Variants in TRIM37 observed in about 807,000 individuals in gnomAD.
The protein encoded by TRIM37 is E3 ubiquitin-protein ligase TRIM37.
A neutral mutation model predicts 129.8 loss-of-function variants in TRIM37; 80 were observed. That is an observed-to-expected ratio of 0.62 (90% CI 0.51 to 0.74). TRIM37 has a LOEUF of 0.74. Ranked by LOEUF, TRIM37 falls within the 30% of genes least tolerant of loss-of-function variation. TRIM37 has a pLI of 0.00. For missense variants in TRIM37, 1,054 were observed against 1,176.5 expected (o/e 0.90, Z 1.52); for synonymous variants, 389 against 387.1 (o/e 1.00, Z -0.06).
intron 2 of TRIM37, among the ~76,000 whole-genome samples, chr17:59,098,142 TTA>T (rs1047193854): frequency 6.6e-6 from 1 of 152,146 alleles, no homozygotes; most frequent in African/African-American, 2.4e-5. Flanking sequence ...CAAAAATATT[TTA>T]TGATTCCATT....
At chr17:59,073,298 CTT>C (rs913398259) in intron 8 of TRIM37, among the ~76,000 whole-genome samples, 8 of 146,176 alleles carry the variant, frequency 5.5e-5, no homozygotes, top group Non-Finnish European at 7.6e-5. Context: ...ATATTATTTA[CTT>C]TTTTTTTTTT....
rs545355037 is a variant in TRIM37 at position 59,088,060 on chromosome 17, G to A, written c.281+231C>T. ...TAGCAAAGTACTTTCTGTGTGGGGG[G>A]AGGGGAGGGCGAGAGGTATCTGTGT... is the stretch of plus-strand genomic sequence containing the variant. On this transcript the variant is annotated intron_variant, in intron 4 of 23. Coordinates refer to ENST00000262294, the MANE Select transcript of TRIM37 (RefSeq NM_015294.6). 7.4e-4 allele frequency: 444 copies of A among 597,114 alleles called. 1 individual carries two copies. Among genetic ancestry groups the A allele is most frequent in the Non-Finnish European group, 5.0e-4 (168 of 337,348 alleles). The allele number at this position is 597,114 out of a possible 1,614,324, so 37.0% of individuals were successfully genotyped here.
At chr17:58,981,208 G>T, downstream of TRIM37, 1 of 570,906 alleles carries the variant, frequency 1.8e-6, no homozygotes, top group Non-Finnish European at 3.0e-6. Flanking sequence ...AATCTAAAAA[G>T]AAGTATTGGC....
At chr17:58,969,810 T>C in the TRIM37 span, 5 of 1,323,776 alleles carry the variant, frequency 3.8e-6, no homozygotes, top group Non-Finnish European at 5.2e-6. Flanking sequence ...GCTATTTAGA[T>C]TTTCTCTTTC....
intron 15 of TRIM37, among the ~76,000 whole-genome samples, chr17:59,048,604 T>C (rs2040043580): frequency 6.6e-6 from 1 of 152,142 alleles, no homozygotes. Context: ...CTTTTTTTTT[T>C]CTTTTTCTTT....
chr17:59,066,385 A>G (rs906622887), intron 9 of TRIM37, among the ~76,000 whole-genome samples: 6 of 152,226 alleles, frequency 3.9e-5, no homozygotes, highest in Non-Finnish European at 8.8e-5. Flanking sequence ...TTCTTCTGCC[A>G]TGTCCAGTGT....
chr17:59,040,985 G>A (rs1220726314), intron 17 of TRIM37, among the ~76,000 whole-genome samples: 1 of 151,984 alleles, frequency 6.6e-6, no homozygotes, highest in African/African-American at 2.4e-5. Context: ...AGCGGAGCTT[G>A]CAGTGAGCCG....
At chr17:58,987,877 T>C (rs775754102) in intron 24 of TRIM37, among the ~76,000 whole-genome samples, 3 of 152,244 alleles carry the variant, frequency 2.0e-5, no homozygotes, top group Non-Finnish European at 4.4e-5. Context: ...ATGTGTGTTT[T>C]ACATATATAC....
chr17:59,005,847 T>G (rs184275294), intron 22 of TRIM37, among the ~76,000 whole-genome samples: 136 of 152,304 alleles, frequency 8.9e-4, no homozygotes, highest in Non-Finnish European at 1.7e-3. Context: ...TATTATTTAC[T>G]TAGCAGCAGA....
intron 22 of TRIM37, among the ~76,000 whole-genome samples, chr17:59,003,398 G>C (rs529336331): frequency 6.6e-6 from 1 of 152,264 alleles, no homozygotes; most frequent in South Asian, 2.1e-4. Context: ...AGGAGCTAGT[G>C]TTATTTGAAT....
the TRIM37 span, among the ~76,000 whole-genome samples, chr17:58,976,362 A>AT: frequency 6.6e-6 from 1 of 152,176 alleles, no homozygotes; most frequent in Non-Finnish European, 1.5e-5. Context: ...GAAGTAGGAA[A>AT]TTAGGCCATT....
intron 14 of TRIM37, among the ~76,000 whole-genome samples, chr17:59,050,558 C>T (rs1038218830): frequency 6.6e-6 from 1 of 151,960 alleles, no homozygotes; most frequent in Non-Finnish European, 1.5e-5. Context: ...GACACATGCT[C>T]GTAGTCCCAG....
chr17:59,031,932 G>GT lies in TRIM37; in HGVS notation c.1911dup (p.Gln638ThrfsTer20). The GT allele has an allele frequency of 6.2e-7, 1 of 1,614,100 alleles. No homozygotes were observed. Among genetic ancestry groups the GT allele is most frequent in the Non-Finnish European group, 8.5e-7 (1 of 1,179,988 alleles). On this transcript the variant is annotated frameshift_variant, in exon 18 of 24. Coordinates refer to ENST00000262294, the MANE Select transcript of TRIM37 (RefSeq NM_015294.6). LOFTEE classifies it high-confidence loss of function. Reference sequence around the variant, plus strand: ...AGAAGTGAAGCAGGTGGGCGAGGCTGTAAGCCCCACAAATTTTCTATACTG... The same window carrying GT: ...AGAAGTGAAGCAGGTGGGCGAGGCTGTTAAGCCCCACAAATTTTCTATACTG...
chr17:59,017,572 G>T, intron 19 of TRIM37, 148 bp from the exon 20 acceptor site: 1 of 1,103,500 alleles, frequency 9.1e-7, no homozygotes, highest in Non-Finnish European at 1.3e-6. Context: ...AGCCCCAATT[G>T]GTTTAGACTT....
intron 2 of TRIM37, among the ~76,000 whole-genome samples, chr17:59,101,703 C>G (rs1439930000): frequency 7.3e-6 from 1 of 137,690 alleles, no homozygotes; most frequent in African/African-American, 2.7e-5. Context: ...TATACACACA[C>G]ACACACACAC....
In TRIM37 at chr17:59,091,347, G is replaced by C; in HGVS notation, c.124-7C>G. The stretch of plus-strand genomic sequence containing the variant: ...TCTGCTCTGTCAGCCAGCGCTAAGG[G>C]GGCAAAAGATTAGATATCGATTAGA... On this transcript the variant is annotated splice_polypyrimidine_tract_variant and splice_region_variant and intron_variant, in intron 2 of 23. Coordinates refer to ENST00000262294, the MANE Select transcript of TRIM37 (RefSeq NM_015294.6). The C allele has an allele frequency of 1.3e-6, 2 of 1,535,736 alleles. No homozygotes were observed. The highest frequency in any genetic ancestry group is 1.8e-6 in the Non-Finnish European group (2 of 1,136,292).
At chr17:59,088,109 G>A (rs964250051) in intron 4 of TRIM37, 182 bp downstream of exon 4, 31 of 618,892 alleles carry the variant, frequency 5.0e-5, no homozygotes, top group Non-Finnish European at 8.6e-5. Flanking sequence ...AATAACTGTT[G>A]TTAAATAAAC....
intron 2 of TRIM37, among the ~76,000 whole-genome samples, chr17:59,102,509 A>G (rs2045605061): frequency 6.6e-6 from 1 of 152,246 alleles, no homozygotes; most frequent in Non-Finnish European, 1.5e-5. Flanking sequence ...TAACAATAAA[A>G]TAACACCTTA....
intron 5 of TRIM37, among the ~76,000 whole-genome samples, chr17:59,081,644 A>T (rs2043260505): frequency 6.6e-6 from 1 of 152,056 alleles, no homozygotes; most frequent in East Asian, 1.9e-4. Flanking sequence ...GTGGTGGCTC[A>T]TGCCTCTAAT....
Sources: allele counts gnomAD v4.1 joint callset (sites outside exome capture counted in the v4.1 genomes callset), GRCh38; gene constraint gnomAD v4.1.1; transcripts MANE v1.5; gene names NCBI Gene and HGNC (gene_info 2026-07-23, HGNC 2026-07-21).